TAOK1: variants seen among roughly 807,000 people sequenced by gnomAD.
TAOK1 encodes the protein serine/threonine-protein kinase TAO1.
In TAOK1, 21 loss-of-function variants were observed where a neutral mutation model predicts 138.3. That is an observed-to-expected ratio of 0.15 (90% CI 0.11 to 0.22). TAOK1 has a LOEUF of 0.22. TAOK1 is among the 10% of genes least tolerant of loss of function. The pLI, the probability that TAOK1 is intolerant of heterozygous loss-of-function variation, is 1.00. For synonymous variants in TAOK1, 361 were observed against 398.4 expected, an observed-to-expected ratio of 0.91 and a Z score of 1.12; for missense variants, 651 against 1,227.7, an observed-to-expected ratio of 0.53 and a Z score of 7.02.
chr17:29,538,891 A>G (rs1331921174), intron 19 of TAOK1, among the ~76,000 whole-genome samples: 1 of 152,118 alleles, frequency 6.6e-6, no homozygotes, highest in Non-Finnish European at 1.5e-5. Flanking sequence ...CCTTTTTTTA[A>G]TCATCTCATT....
intron 1 of TAOK1, among the ~76,000 whole-genome samples, chr17:29,434,055 A>G (rs1345263664): frequency 6.6e-6 from 1 of 151,978 alleles, no homozygotes; most frequent in Non-Finnish European, 1.5e-5. Flanking sequence ...ATGCATCAAA[A>G]CGAAACAAGG....
chr17:29,495,983 G>T (rs1183035731), intron 11 of TAOK1, among the ~76,000 whole-genome samples: 1 of 152,000 alleles, frequency 6.6e-6, no homozygotes, highest in African/African-American at 2.4e-5. Context: ...CCCCTTTATG[G>T]TACACAATGT....
At position 29,390,726 on chromosome 17, in the gene TAOK1, C is replaced by T. The variant is rs1904388067; in HGVS notation, c.-393C>T. 6.6e-6 allele frequency: 1 copy of T among 152,400 alleles called. No homozygotes were observed. Among genetic ancestry groups the T allele is most frequent in the African/African-American group, 2.4e-5 (1 of 41,412 alleles). 9.4% of individuals were successfully genotyped at this position (152,400 alleles called of 1,614,324 possible). ...GGCGGCCGAGGCCCGGGCCGGTTCC[C>T]CCGAGGCGGCGACGGAGACGGCTCC... On this transcript the variant is annotated 5_prime_UTR_variant, in exon 1 of 20. Coordinates refer to ENST00000261716, the MANE Select transcript of TAOK1 (RefSeq NM_020791.4).
At chr17:29,396,405 G>C (rs181077162) in intron 1 of TAOK1, among the ~76,000 whole-genome samples, 8 of 152,262 alleles carry the variant, frequency 5.3e-5, no homozygotes, top group African/African-American at 1.9e-4. Context: ...TAAGTGCCTT[G>C]CATAATAGAT....
chr17:29,494,340 C>T (rs954642765), intron 10 of TAOK1, among the ~76,000 whole-genome samples: 24 of 151,828 alleles, frequency 1.6e-4, no homozygotes, highest in Non-Finnish European at 4.4e-5. Flanking sequence ...CTCTACCCCC[C>T]ACCCCCCAAA....
At chr17:29,419,462 C>G (rs1297199230) in intron 1 of TAOK1, among the ~76,000 whole-genome samples, 1 of 150,862 alleles carries the variant, frequency 6.6e-6, no homozygotes, top group Non-Finnish European at 1.5e-5. Context: ...TCCCAAAGTG[C>G]TGGGAATGTG....
At chr17:29,418,359 CTT>C (rs35510483) in intron 1 of TAOK1, among the ~76,000 whole-genome samples, 1 of 152,054 alleles carries the variant, frequency 6.6e-6, no homozygotes, top group African/African-American at 2.4e-5. Flanking sequence ...AATTTTTAAA[CTT>C]TTTTTATTTT....
chr17:29,485,139 T>G (rs2031143691), intron 8 of TAOK1, among the ~76,000 whole-genome samples: 2 of 152,180 alleles, frequency 1.3e-5, no homozygotes, highest in Non-Finnish European at 2.9e-5. Flanking sequence ...CAAGAAATCT[T>G]ATAATACATA....
chr17:29,543,121 T>A lies in TAOK1; in HGVS notation c.*99T>A. The stretch of plus-strand genomic sequence containing the variant: ...GCCTCCTCACTTGGGTACTACAGTG[T>A]GGAAGCTGAGTGCATATGGTATATT... On this transcript the variant is annotated 3_prime_UTR_variant, in exon 20 of 20. Transcript: ENST00000261716. 9.7e-7 allele frequency: 1 copy of A among 1,034,480 alleles called. No individual in the cohort carries two copies. The highest frequency in any genetic ancestry group is 1.4e-6 in the Non-Finnish European group (1 of 729,070). The allele number at this position is 1,034,480 out of a possible 1,614,324, so 64.1% of individuals were successfully genotyped here.
intron 8 of TAOK1, among the ~76,000 whole-genome samples, chr17:29,484,072 A>C (rs1173101702): frequency 6.6e-6 from 1 of 152,168 alleles, no homozygotes; most frequent in Admixed American, 6.6e-5. Context: ...TTGTTGGCTC[A>C]TTGTTGTGCT....
chr17:29,402,869 T>C (rs1364450785), intron 1 of TAOK1, among the ~76,000 whole-genome samples: 2 of 150,840 alleles, frequency 1.3e-5, no homozygotes, highest in Non-Finnish European at 1.5e-5. Context: ...AAACCCTGTC[T>C]CTACTAAAAA....
At chr17:29,499,924 T>C (rs1392888992) in intron 12 of TAOK1, among the ~76,000 whole-genome samples, 1 of 152,150 alleles carries the variant, frequency 6.6e-6, no homozygotes, top group Non-Finnish European at 1.5e-5. Context: ...TTAGGAAATG[T>C]GGGTGTTTGC....
chr17:29,415,592 A>G (rs1371867179), intron 1 of TAOK1, among the ~76,000 whole-genome samples: 1 of 152,180 alleles, frequency 6.6e-6, no homozygotes, highest in African/African-American at 2.4e-5. Context: ...CCTGGTGACT[A>G]ATGATGTTGA....
intron 18 of TAOK1, among the ~76,000 whole-genome samples, chr17:29,533,015 G>GT (rs1282620085): frequency 6.0e-5 from 7 of 115,938 alleles, no homozygotes; most frequent in Non-Finnish European, 9.5e-5. Flanking sequence ...ACCGGGCGGG[G>GT]GGCTGACCCC....
At chr17:29,433,905 G>A (rs1905938629) in intron 1 of TAOK1, among the ~76,000 whole-genome samples, 1 of 152,138 alleles carries the variant, frequency 6.6e-6, no homozygotes, top group Non-Finnish European at 1.5e-5. Flanking sequence ...TGTTTTGGGG[G>A]AAACAGCAGT....
At chr17:29,505,832 G>A (rs1433447978) in intron 13 of TAOK1, among the ~76,000 whole-genome samples, 2 of 152,216 alleles carry the variant, frequency 1.3e-5, no homozygotes, top group Non-Finnish European at 2.9e-5. Flanking sequence ...CTACTCAGGA[G>A]CCTGAGGTGG....
At chr17:29,533,283 G>T (rs1180947126) in intron 18 of TAOK1, among the ~76,000 whole-genome samples, 1 of 150,718 alleles carries the variant, frequency 6.6e-6, no homozygotes, top group Non-Finnish European at 1.5e-5. Flanking sequence ...TAGATGGGAT[G>T]GCGGCCGGGA....
At position 29,550,539 on chromosome 17, in the gene TAOK1, G is replaced by A. The variant is rs1041700010; in HGVS notation, c.*7517G>A. The A allele has an allele frequency of 5.3e-5, 8 of 152,182 alleles. No individual in the cohort carries two copies. Among genetic ancestry groups the A allele is most frequent in the Non-Finnish European group, 8.8e-5 (6 of 68,010 alleles). The allele number at this position is 152,182 out of a possible 1,614,324, so 9.4% of individuals were successfully genotyped here. The stretch of plus-strand genomic sequence containing the variant: ...GCATTAATGAGGTTGAAGAGACTAT[G>A]AGAAATATGTATAGTGTATATTTTA... On this transcript the variant is annotated 3_prime_UTR_variant, in exon 20 of 20. Transcript: ENST00000261716.
chr17:29,551,493 C>T lies in TAOK1; in HGVS notation c.*8471C>T, dbSNP rs1480832982. On this transcript the variant is annotated 3_prime_UTR_variant, in exon 20 of 20. Coordinates refer to ENST00000261716, the MANE Select transcript of TAOK1 (RefSeq NM_020791.4). ...TGATGTTCTACCACTTTACCAATAACTAATTTTAAATACACATTGTCCTCT... is the reference window on the plus strand; with the variant it reads ...TGATGTTCTACCACTTTACCAATAATTAATTTTAAATACACATTGTCCTCT... 1 of 152,252 alleles carries T rather than the reference C, an allele frequency of 6.6e-6. No individual in the cohort carries two copies. The highest frequency in any genetic ancestry group is 1.5e-5 in the Non-Finnish European group (1 of 68,026). 9.4% of individuals were successfully genotyped at this position (152,252 alleles called of 1,614,324 possible). A position where few individuals can be genotyped will look rare whatever the true frequency, so the allele number is the denominator to read the frequency against.
Sources: gnomAD v4.1 joint callset for allele counts (sites outside exome capture counted in the v4.1 genomes callset) on GRCh38, gnomAD v4.1.1 for gene constraint, MANE v1.5 for transcripts, NCBI Gene and HGNC (gene_info 2026-07-23, HGNC 2026-07-21) for gene names.